Variants in ANXA6 observed in about 807,000 individuals in gnomAD.
The protein encoded by ANXA6 is 67 kDa calelectrin.
A neutral mutation model predicts 95.4 loss-of-function variants in ANXA6; 71 were observed. The ratio of observed to expected loss-of-function variants is 0.74; its 90% CI spans 0.61 to 0.91. ANXA6 has a LOEUF of 0.91. Among genes scored for constraint, ANXA6 ranks in the 40% least tolerant of loss-of-function variants. ANXA6 has a pLI of 0.00. For synonymous variants in ANXA6, 289 were observed against 315.9 expected (o/e 0.91, Z 0.90); for missense variants, 830 against 876.4 (o/e 0.95, Z 0.67).
chr5:151,118,579 G>A (rs922717008), intron 18 of ANXA6, among the ~76,000 whole-genome samples: 10 of 152,106 alleles, frequency 6.6e-5, no homozygotes, highest in South Asian at 4.2e-4. Context: ...GGCTACAGGC[G>A]CATGCCACCA....
chr5:151,124,102 T>C (rs1207205006), intron 15 of ANXA6, among the ~76,000 whole-genome samples, 184 bp downstream of exon 15: 1 of 152,156 alleles, frequency 6.6e-6, no homozygotes, highest in African/African-American at 2.4e-5. Context: ...AAGTTCCTTA[T>C]GAACCCTCTC....
In ANXA6 at chr5:151,122,188, G is replaced by C. The variant is rs1305666765; in HGVS notation, c.1306C>G (p.Pro436Ala). The change falls in exon 17 of 26, where the codon CCG becomes GCG. Residue 436 changes from proline (P) to alanine (A), a missense_variant. By Grantham distance (27) the Pro-to-Ala change is conservative. Coordinates refer to ENST00000354546, the MANE Select transcript of ANXA6 (RefSeq NM_001155.5). ...ARLILGLMMP[P>A]AHYDAKQLKK... ...AACTGCTTGGCATCGTAATGGGCCG[G>C]TGGCATCATGAGCCCCAGAATCAGC... 1.9e-6 allele frequency: 3 copies of C among 1,602,244 alleles called. No homozygotes were observed. Among genetic ancestry groups the C allele is most frequent in the Non-Finnish European group, 2.6e-6 (3 of 1,175,816 alleles).
intron 25 of ANXA6, among the ~76,000 whole-genome samples, chr5:151,103,314 C>G (rs35980861): frequency 0.026 from 3,991 of 152,240 alleles, 69 homozygotes; most frequent in South Asian, 0.072. Context: ...GTAAGTTATA[C>G]TTCCATAACA....
At chr5:151,133,665 G>T (rs1000199162) in intron 8 of ANXA6, among the ~76,000 whole-genome samples, 1 of 152,106 alleles carries the variant, frequency 6.6e-6, no homozygotes, top group Non-Finnish European at 1.5e-5. Flanking sequence ...TCATATATGT[G>T]GTCCATCATT....
At chr5:151,148,811 T>C (rs1315678005) in intron 1 of ANXA6, among the ~76,000 whole-genome samples, 1 of 151,932 alleles carries the variant, frequency 6.6e-6, no homozygotes, top group Non-Finnish European at 1.5e-5. Flanking sequence ...TCAGTGTGGC[T>C]GGTGTGGTAG....
chr5:151,107,083 A>C (rs912050868), intron 23 of ANXA6, among the ~76,000 whole-genome samples: 2 of 152,164 alleles, frequency 1.3e-5, no homozygotes, highest in African/African-American at 4.8e-5. Flanking sequence ...GCCTCTCTGA[A>C]CTCAGTGTCC....
chr5:151,131,236 T>C lies in ANXA6; in HGVS notation c.790A>G (p.Met264Val), dbSNP rs768597145. The C allele has an allele frequency of 3.7e-6, 6 of 1,613,874 alleles. No individual in the cohort carries two copies. The South Asian group carries it at 5.5e-5, about 15-fold the overall frequency. The change falls in exon 11 of 26, where the codon ATG becomes GTG. Residue 264 changes from methionine (M) to valine (V), a missense_variant. Coordinates refer to ENST00000354546, the MANE Select transcript of ANXA6 (RefSeq NM_001155.5). ...ACATCAGCCCCACCACGCACCTTCA[T>C]AGCCTTGAAGAGCCTTTCAGCAAAA... ...EYFAERLFKAMKGLGTRDNTL... is the reference protein window; with the variant it reads ...EYFAERLFKAVKGLGTRDNTL...
At chr5:151,108,431 C>A (rs1764759019) in intron 23 of ANXA6, 24 bp downstream of exon 23, 2 of 1,603,912 alleles carry the variant, frequency 1.2e-6, no homozygotes, top group African/African-American at 2.7e-5. Flanking sequence ...GCCCCCAGCC[C>A]TTCCCTTAGT....
intron 1 of ANXA6, among the ~76,000 whole-genome samples, 156 bp from the exon 2 acceptor site, chr5:151,148,082 T>C (rs969690195): frequency 4.0e-5 from 6 of 151,784 alleles, no homozygotes; most frequent in Non-Finnish European, 7.4e-5. Flanking sequence ...CACATTTTTT[T>C]CAGAAGACAA....
intron 22 of ANXA6, among the ~76,000 whole-genome samples, chr5:151,109,524 C>T (rs1478951949): frequency 2.0e-5 from 3 of 152,158 alleles, no homozygotes. Flanking sequence ...TACCTAATCC[C>T]GGGCATCCCA....
chr5:151,116,443 A>C (rs182388349), intron 20 of ANXA6, among the ~76,000 whole-genome samples: 5 of 152,188 alleles, frequency 3.3e-5, no homozygotes, highest in Non-Finnish European at 1.5e-5. Flanking sequence ...CAGCCATAGA[A>C]CCCTCAGGGA....
chr5:151,110,683 G>A (rs368724987), intron 20 of ANXA6, 39 bp from the exon 21 acceptor site: 3 of 1,612,178 alleles, frequency 1.9e-6, no homozygotes. Flanking sequence ...AGAGAAGGGA[G>A]GCAAGAGTCA....
At position 151,117,108 on chromosome 5, in the gene ANXA6, G is replaced by A. The variant is rs893430780; in HGVS notation, c.1572+19C>T. On this transcript the variant is annotated intron_variant, in intron 20 of 25. Coordinates refer to ENST00000354546, the MANE Select transcript of ANXA6 (RefSeq NM_001155.5). ...AGGGACACCCGGCAGAGGTGACTGGGGTGGGCTGGGGGTCTTACCTGGGCA... is the reference window on the plus strand; with the variant it reads ...AGGGACACCCGGCAGAGGTGACTGGAGTGGGCTGGGGGTCTTACCTGGGCA... 3 of 1,573,650 alleles carry A rather than the reference G, an allele frequency of 1.9e-6. No individual in the cohort carries two copies. Among genetic ancestry groups the A allele is most frequent in the Admixed American group, 1.8e-5 (1 of 56,752 alleles).
At chr5:151,130,660 C>T (rs949298825) in intron 11 of ANXA6, among the ~76,000 whole-genome samples, 1 of 152,220 alleles carries the variant, frequency 6.6e-6, no homozygotes, top group South Asian at 2.1e-4. Context: ...AGAGAATGGC[C>T]GACAGTCTAC....
chr5:151,147,809 A>G, intron 2 of ANXA6, 75 bp downstream of exon 2: 1 of 1,499,698 alleles, frequency 6.7e-7, no homozygotes. Flanking sequence ...TCTCTGTAGC[A>G]GGCCTAGTGG....
rs1295697216 is a variant in ANXA6 at position 151,117,817 on chromosome 5, C to T, written c.1459G>A (p.Asp487Asn). The change falls in exon 19 of 26, where the codon GAT (aspartate) becomes AAT (asparagine). Residue 487 changes from aspartate (D) to asparagine (N), a missense_variant. By Grantham distance (23) the Asp-to-Asn change is conservative (BLOSUM62 1). Transcript: ENST00000354546. ...CCAGATGTGTCTGAGCTCAGAGCATCCTCCAGGGACTTGTGATAGTCTGAG... is the reference window on the plus strand; with the variant it reads ...CCAGATGTGTCTGAGCTCAGAGCATTCTCCAGGGACTTGTGATAGTCTGAG... Reference protein sequence around the residue: ...YKEDYHKSLEDALSSDTSGHF... With the variant: ...YKEDYHKSLENALSSDTSGHF... The T allele has an allele frequency of 9.9e-6, 16 of 1,613,570 alleles. 1 individual carries two copies. In the South Asian group the frequency reaches 1.6e-4, roughly 17 times the overall value.
Position 151,101,330 on chromosome 5 carries a change from A to ACCCCAC in ANXA6, c.*117_*118insGTGGGG. ...CCACTGAAGATAAGAGCCCAACCCA[A>ACCCCAC]CCCCTCCCCCCACCCCTGCCCCTTC... is the stretch of plus-strand genomic sequence containing the variant. On this transcript the variant is annotated 3_prime_UTR_variant, in exon 26 of 26. Coordinates refer to ENST00000354546, the MANE Select transcript of ANXA6 (RefSeq NM_001155.5). 1 of 385,870 alleles carries ACCCCAC rather than the reference A, an allele frequency of 2.6e-6. No homozygotes were observed. The highest frequency in any genetic ancestry group is 5.2e-6 in the Non-Finnish European group (1 of 190,630). The allele number at this position is 385,870 out of a possible 1,614,324, so 23.9% of individuals were successfully genotyped here. A position where few individuals can be genotyped will look rare whatever the true frequency, so the allele number is the denominator to read the frequency against.
At chr5:151,150,498 G>A (rs1582021256) in intron 1 of ANXA6, among the ~76,000 whole-genome samples, 1 of 152,310 alleles carries the variant, frequency 6.6e-6, no homozygotes, top group East Asian at 1.9e-4. Context: ...TGTCGTGTTT[G>A]CCTCTGTGTC....
At chr5:151,126,819 C>T (rs981230969) in intron 13 of ANXA6, among the ~76,000 whole-genome samples, 8 of 152,262 alleles carry the variant, frequency 5.3e-5, no homozygotes, top group South Asian at 4.2e-4. Flanking sequence ...CAGGTTCAAG[C>T]GATTCTCCTG....
Sources: allele counts gnomAD v4.1 joint callset (sites outside exome capture counted in the v4.1 genomes callset), GRCh38; gene constraint gnomAD v4.1.1; transcripts MANE v1.5; gene names NCBI Gene and HGNC (gene_info 2026-07-23, HGNC 2026-07-21).